The following MTMR7 variants were observed in gnomAD, a reference collection of about 807,000 sequenced individuals.
MTMR7 encodes the protein phosphatidylinositol-3-phosphate phosphatase MTMR7.
A neutral mutation model predicts 81.2 loss-of-function variants in MTMR7; 76 were observed. The ratio of observed to expected loss-of-function variants is 0.94; its 90% CI spans 0.78 to 1.13. MTMR7 has a LOEUF of 1.13. MTMR7 is among the 50% of genes most tolerant of loss of function. The pLI is 0.00. For missense variants in MTMR7, 1,044 were observed against 820.0 expected (o/e 1.27, Z -3.34); for synonymous variants, 372 against 289.8 (o/e 1.28, Z -2.88).
chr8:17,321,909 A>G (rs1319768984), intron 7 of MTMR7, among the ~76,000 whole-genome samples: 2 of 152,230 alleles, frequency 1.3e-5, no homozygotes, highest in Admixed American at 6.5e-5. Flanking sequence ...ACCTCTGCAA[A>G]TGTGGAATTT....
rs1201301133 is a variant in MTMR7 at position 17,341,478 on chromosome 8, C to G, written c.617G>C (p.Ser206Thr). The change falls in exon 6 of 14, where the codon AGC becomes ACC. Residue 206 changes from serine (S) to threonine (T), a missense_variant. By Grantham distance (58) the Ser-to-Thr change is moderately conservative. Coordinates refer to ENST00000180173, the MANE Select transcript of MTMR7 (RefSeq NM_004686.5). ...KDNHASICRS[S>T]QPLSGFSARC... ...GGCACTGAAGCCGGACAGGGGCTGG[C>G]TGCTCCGGCAGATGGAGGCCTAGGG... is the stretch of plus-strand genomic sequence containing the variant. 1 of 1,613,926 alleles carries G rather than the reference C, an allele frequency of 6.2e-7. No individual in the cohort carries two copies. The highest frequency in any genetic ancestry group is 1.1e-5 in the South Asian group (1 of 91,082).
chr8:17,392,870 T>C (rs896275549), intron 1 of MTMR7, among the ~76,000 whole-genome samples: 2 of 152,242 alleles, frequency 1.3e-5, no homozygotes, highest in Admixed American at 6.5e-5. Flanking sequence ...TCTTTCAGCA[T>C]ACAAACTTGT....
At chr8:17,409,206 C>T (rs1821675470) in intron 1 of MTMR7, among the ~76,000 whole-genome samples, 1 of 152,134 alleles carries the variant, frequency 6.6e-6, no homozygotes, top group African/African-American at 2.4e-5. Flanking sequence ...AACCTGCAAT[C>T]CCAGCACTTT....
chr8:17,360,650 G>C (rs1362836757), intron 4 of MTMR7, among the ~76,000 whole-genome samples: 1 of 152,002 alleles, frequency 6.6e-6, no homozygotes, highest in African/African-American at 2.4e-5. Context: ...TCCTTCCTGT[G>C]AGTGTAGACA....
chr8:17,302,564 A>G, intron 12 of MTMR7: 1 of 276,388 alleles, frequency 3.6e-6, no homozygotes, highest in Non-Finnish European at 6.7e-6. Context: ...TGTAACCATT[A>G]CCTTTTAAGA....
At chr8:17,373,081 C>G (rs762234533) in intron 2 of MTMR7, 37 bp downstream of exon 2, 13 of 1,608,788 alleles carry the variant, frequency 8.1e-6, no homozygotes, top group South Asian at 2.2e-5. Context: ...CTTCAAACAA[C>G]GCAAAACAAG....
intron 1 of MTMR7, 102 bp downstream of exon 1, chr8:17,413,167 C>T: frequency 3.7e-6 from 5 of 1,363,006 alleles, no homozygotes; most frequent in South Asian, 2.5e-5. Flanking sequence ...CCAGGCTCCG[C>T]CGGTGCCCCT....
At chr8:17,370,824 A>G (rs956745712) in intron 3 of MTMR7, among the ~76,000 whole-genome samples, 6 of 152,160 alleles carry the variant, frequency 3.9e-5, no homozygotes, top group Admixed American at 2.6e-4. Context: ...AAGATTCATG[A>G]AAGAGACTCA....
chr8:17,391,575 G>A (rs531487492), intron 1 of MTMR7, among the ~76,000 whole-genome samples: 2 of 152,212 alleles, frequency 1.3e-5, no homozygotes, highest in Non-Finnish European at 2.9e-5. Context: ...GTCTTTAAAT[G>A]TATCCGTTTA....
intron 1 of MTMR7, among the ~76,000 whole-genome samples, chr8:17,409,481 C>T (rs1408456812): frequency 6.6e-6 from 1 of 151,952 alleles, no homozygotes; most frequent in Non-Finnish European, 1.5e-5. Context: ...AACAAACAAA[C>T]AAAAAGTAAT....
chr8:17,406,560 T>G (rs1485839148), intron 1 of MTMR7, among the ~76,000 whole-genome samples: 8 of 152,208 alleles, frequency 5.3e-5, no homozygotes, highest in African/African-American at 1.9e-4. Flanking sequence ...TGCAGCCACT[T>G]TGGAAAACAA....
chr8:17,304,230 GATCAGAT>G, intron 12 of MTMR7, 142 bp downstream of exon 12: 1 of 802,184 alleles, frequency 1.2e-6, no homozygotes, highest in South Asian at 3.7e-5. Context: ...AAAAATACCA[GATCAGAT>G]ATTCAAGCAT....
intron 1 of MTMR7, among the ~76,000 whole-genome samples, chr8:17,382,282 C>A (rs970854962): frequency 6.6e-6 from 1 of 152,168 alleles, no homozygotes; most frequent in Non-Finnish European, 1.5e-5. Flanking sequence ...CCGAGGGCAC[C>A]AAGCCCACCA....
At position 17,304,465 on chromosome 8, in the gene MTMR7, G is replaced by C; in HGVS notation, c.1407C>G (p.Asp469Glu). 6.2e-7 allele frequency: 1 copy of C among 1,614,024 alleles called. No homozygotes were observed. ...CAGCTCTAAACAGAGGATTCAGGTAGTCGGCCCGATTCTTCCACAGGTGAG... is the reference window on the plus strand; with the variant it reads ...CAGCTCTAAACAGAGGATTCAGGTACTCGGCCCGATTCTTCCACAGGTGAG... ...LWAHLWKNRA[D>E]YLNPLFRADH... is the part of the protein sequence containing the mutation. The change falls in exon 12 of 14, where the codon GAC (aspartate) becomes GAG (glutamate). Residue 469 changes from aspartate to glutamate, a missense_variant. By Grantham distance (45) the Asp-to-Glu change is conservative. Transcript: ENST00000180173.
At chr8:17,403,071 T>A (rs776762735) in intron 1 of MTMR7, among the ~76,000 whole-genome samples, 27 of 152,194 alleles carry the variant, frequency 1.8e-4, no homozygotes, top group Non-Finnish European at 2.9e-4. Flanking sequence ...ATTTAGAAAT[T>A]TTGTCTATTT....
intron 1 of MTMR7, among the ~76,000 whole-genome samples, chr8:17,386,258 G>A (rs1170935018): frequency 6.6e-6 from 1 of 152,166 alleles, no homozygotes; most frequent in African/African-American, 2.4e-5. Context: ...CATGCCTATA[G>A]TCCCAGCTAA....
intron 7 of MTMR7, among the ~76,000 whole-genome samples, chr8:17,326,147 C>T (rs1055715397): frequency 6.6e-6 from 1 of 152,154 alleles, no homozygotes; most frequent in African/African-American, 2.4e-5. Context: ...CCATTCCAAC[C>T]CACTACCTCG....
chr8:17,362,535 C>G (rs1820090540), intron 3 of MTMR7, among the ~76,000 whole-genome samples: 1 of 152,224 alleles, frequency 6.6e-6, no homozygotes, highest in Admixed American at 6.5e-5. Flanking sequence ...CACTCCCTCC[C>G]TCAGAGTCAC....
chr8:17,323,128 A>G (rs1466844440), intron 7 of MTMR7, among the ~76,000 whole-genome samples: 1 of 151,464 alleles, frequency 6.6e-6, no homozygotes, highest in Non-Finnish European at 1.5e-5. Flanking sequence ...TTGTATTTTC[A>G]GTAGAGATGG....
Sources: gnomAD v4.1 joint callset for allele counts (sites outside exome capture counted in the v4.1 genomes callset) on GRCh38, gnomAD v4.1.1 for gene constraint, MANE v1.5 for transcripts, NCBI Gene and HGNC (gene_info 2026-07-23, HGNC 2026-07-21) for gene names.